Variants in IGFL4 observed in about 807,000 individuals in gnomAD.
IGFL4 encodes the protein IGF like family member 4.
Under a neutral mutation model 15.4 loss-of-function variants are expected in IGFL4, and 12 were observed. The ratio of observed to expected loss-of-function variants is 0.78; its 90% CI spans 0.50 to 1.26. The LOEUF (loss-of-function observed/expected upper bound fraction) is 1.26. IGFL4 is among the 50% of genes most tolerant of loss of function. The pLI is 0.00. For missense variants in IGFL4, 126 were observed against 147.8 expected (o/e 0.85, Z 0.76); for synonymous variants, 54 against 55.9 (o/e 0.97, Z 0.16).
chr19:46,048,141 C>T (rs118063832), intron 2 of IGFL4, among the ~76,000 whole-genome samples: 2,777 of 152,212 alleles, frequency 0.018, 54 homozygotes, highest in East Asian at 0.073. Flanking sequence ...TGTGATTCAT[C>T]GTATAAACAG....
intron 1 of IGFL4, among the ~76,000 whole-genome samples, chr19:46,067,136 C>G (rs1281753875): frequency 2.0e-5 from 3 of 152,172 alleles, no homozygotes; most frequent in Non-Finnish European, 4.4e-5. Flanking sequence ...CCCATCCACT[C>G]TCCTTGTGCC....
rs2146506631 is a variant in IGFL4 at position 46,039,402 on chromosome 19, A to T, written c.*490T>A. Among the ~76,000 whole-genome samples the T allele has an allele frequency of 7.1e-6, 1 of 141,830 alleles. No individual in the cohort carries two copies. The highest frequency in any genetic ancestry group is 2.0e-4 in the East Asian group (1 of 4,930). The allele number at this position is 141,830 out of a possible 152,430, so 93.0% of individuals were successfully genotyped here. A position where few individuals can be genotyped will look rare whatever the true frequency, so the allele number is the denominator to read the frequency against. The stretch of plus-strand genomic sequence containing the variant: ...TCTTTTTTGGTTCCATATGAACTTT[A>T]AAGTAGTTTTTTCCAATTCTGTGAA... On this transcript the variant is annotated 3_prime_UTR_variant, in exon 4 of 4. Coordinates refer to ENST00000377697, the MANE Select transcript of IGFL4 (RefSeq NM_001002923.3).
chr19:46,075,397 C>T (rs1969586042), intron 1 of IGFL4, among the ~76,000 whole-genome samples: 1 of 152,082 alleles, frequency 6.6e-6, no homozygotes. Flanking sequence ...TTTTTGATGA[C>T]CTTCACAGTT....
At chr19:46,042,783 C>T (rs1969258704), upstream of IGFL4, among the ~76,000 whole-genome samples, 1 of 152,194 alleles carries the variant, frequency 6.6e-6, no homozygotes, top group African/African-American at 2.4e-5. Context: ...GCCTGTGGCT[C>T]CATGGTATAG....
intron 2 of IGFL4, among the ~76,000 whole-genome samples, chr19:46,054,306 T>A (rs1273941395): frequency 2.6e-5 from 4 of 152,196 alleles, no homozygotes; most frequent in African/African-American, 7.2e-5. Flanking sequence ...GGGAGTCTAG[T>A]TTCATTGTTC....
At chr19:46,047,040 A>C (rs1600670341) in intron 2 of IGFL4, among the ~76,000 whole-genome samples, 1 of 152,364 alleles carries the variant, frequency 6.6e-6, no homozygotes, top group East Asian at 1.9e-4. Context: ...AACTGAAGTC[A>C]TAACAAACAG....
At chr19:46,065,236 G>GGTA (rs59240591) in intron 1 of IGFL4, among the ~76,000 whole-genome samples, 129,346 of 151,758 alleles carry the variant, frequency 0.85, 55,550 homozygotes, top group African/African-American at 0.93. Flanking sequence ...TCATCATATG[G>GGTA]GTTTGCAAAT....
chr19:46,060,105 T>C (rs867452597), intron 2 of IGFL4: 6 of 152,226 alleles, frequency 3.9e-5, no homozygotes, highest in African/African-American at 9.7e-5. Context: ...GTTTCTCCAA[T>C]TGTGTCTGTT....
Position 46,040,843 on chromosome 19 carries a change from ATAAT to A in IGFL4, c.19+97_19+100del. ...GCAGTGATTATGAGGTGGGACACCAATAATTAAATAGGGAAGAGAGAATTAACTT... is the reference window on the plus strand; with the variant it reads ...GCAGTGATTATGAGGTGGGACACCAATAAATAGGGAAGAGAGAATTAACTT... On this transcript the variant is annotated intron_variant, in intron 1 of 3. Transcript: ENST00000377697. The surrounding 1 kb of genome is among the most constrained non-coding windows in gnomAD (Gnocchi z 4.1). The A allele has an allele frequency of 3.4e-6, 4 of 1,173,820 alleles. No individual in the cohort carries two copies. The highest frequency in any genetic ancestry group is 3.7e-6 in the Non-Finnish European group (3 of 805,100). The allele number at this position is 1,173,820 out of a possible 1,614,324, so 72.7% of individuals were successfully genotyped here.
At chr19:46,050,742 T>C (rs1284748618) in intron 2 of IGFL4, among the ~76,000 whole-genome samples, 1 of 152,246 alleles carries the variant, frequency 6.6e-6, no homozygotes, top group East Asian at 1.9e-4. Flanking sequence ...TTTGAAAACA[T>C]ATTTGAGGGA....
chr19:46,065,442 G>A (rs1969486014), intron 1 of IGFL4, among the ~76,000 whole-genome samples: 1 of 152,184 alleles, frequency 6.6e-6, no homozygotes, highest in African/African-American at 2.4e-5. Flanking sequence ...CCAAGTAGCT[G>A]GAAATACAGG....
At chr19:46,043,075 T>A (rs1969262505), upstream of IGFL4, among the ~76,000 whole-genome samples, 1 of 152,162 alleles carries the variant, frequency 6.6e-6, no homozygotes, top group Non-Finnish European at 1.5e-5. Flanking sequence ...CTCCGGGAAC[T>A]AATAAGTAAA....
At chr19:46,048,137 T>C (rs1392126601) in intron 2 of IGFL4, among the ~76,000 whole-genome samples, 1 of 152,154 alleles carries the variant, frequency 6.6e-6, no homozygotes, top group Non-Finnish European at 1.5e-5. Flanking sequence ...CAAATGTGAT[T>C]CATCGTATAA....
chr19:46,071,494 A>G (rs1039455254), intron 1 of IGFL4, among the ~76,000 whole-genome samples: 14 of 152,222 alleles, frequency 9.2e-5, no homozygotes, highest in Admixed American at 5.9e-4. Context: ...GTGGTCCTGG[A>G]ACCAAATAAA....
At chr19:46,069,802 T>C (rs1038897105) in intron 1 of IGFL4, among the ~76,000 whole-genome samples, 4 of 152,196 alleles carry the variant, frequency 2.6e-5, no homozygotes, top group South Asian at 2.1e-4. Context: ...TCAACAGCAA[T>C]AGATGTGAAA....
At chr19:46,044,244 G>A (rs938061252), upstream of IGFL4, among the ~76,000 whole-genome samples, 1 of 152,230 alleles carries the variant, frequency 6.6e-6, no homozygotes, top group Non-Finnish European at 1.5e-5. Flanking sequence ...ACAGAGCTGT[G>A]TGGAGTCTTG....
Position 46,040,230 on chromosome 19 carries a change from G to C in IGFL4, c.257C>G (p.Thr86Arg), listed in dbSNP as rs778975039. Reference protein sequence around the residue: ...CLESLGSQNQTVVRFKVPGMK... With the variant: ...CLESLGSQNQRVVRFKVPGMK... Reference sequence around the variant, plus strand: ...GCCTGGGACCTTGAACCTCACAACTGTCTGGTTCTGAGAGCCCAAAGACTC... The same window carrying C: ...GCCTGGGACCTTGAACCTCACAACTCTCTGGTTCTGAGAGCCCAAAGACTC... Residue 86 changes from threonine to arginine, a missense_variant, in exon 3 of 4, where the codon ACA (threonine) becomes AGA (arginine). Thr to Arg is a moderately conservative substitution (Grantham distance 71). Coordinates refer to ENST00000377697, the MANE Select transcript of IGFL4 (RefSeq NM_001002923.3). This position sits in a 1 kb window ranked among gnomAD's most constrained non-coding sequence, Gnocchi z 4.1. 4 of 1,614,158 alleles carry C rather than the reference G, an allele frequency of 2.5e-6. No homozygotes were observed. Among genetic ancestry groups the C allele is most frequent in the South Asian group, 2.2e-5 (2 of 91,086 alleles).
intron 2 of IGFL4, among the ~76,000 whole-genome samples, chr19:46,056,274 C>T (rs1969391732): frequency 6.6e-6 from 1 of 152,196 alleles, no homozygotes; most frequent in Non-Finnish European, 1.5e-5. Context: ...CTGCACTGTT[C>T]ACATCTCATG....
intron 2 of IGFL4, among the ~76,000 whole-genome samples, chr19:46,046,457 G>C (rs991761333): frequency 1.3e-5 from 2 of 152,186 alleles, no homozygotes; most frequent in Non-Finnish European, 2.9e-5. Context: ...AAAAGACACA[G>C]AATGGCAAGT....
Sources: gnomAD v4.1 joint callset for allele counts (sites outside exome capture counted in the v4.1 genomes callset) on GRCh38, gnomAD v4.1.1 for gene constraint, Gnocchi (gnomAD v3.1) non-coding constraint, MANE v1.5 for transcripts, NCBI Gene and HGNC (gene_info 2026-07-23, HGNC 2026-07-21) for gene names.